PTCHD4: variants seen among roughly 807,000 people sequenced by gnomAD.
PTCHD4 encodes the protein patched domain containing 4, also known as patched domain-containing protein 4.
In PTCHD4, 33 loss-of-function variants were observed where a neutral mutation model predicts 58.1. The observed-to-expected ratio is 0.57, with a 90% CI of 0.43 to 0.76. PTCHD4 has a LOEUF of 0.76. Among genes scored for constraint, PTCHD4 ranks in the 30% least tolerant of loss-of-function variants. The pLI, the probability that PTCHD4 is intolerant of heterozygous loss-of-function variation, is 0.00. For missense variants in PTCHD4, 1,058 were observed against 1,027.1 expected (o/e 1.03, Z -0.41); for synonymous variants, 478 against 409.6 (o/e 1.17, Z -2.02).
chr6:48,076,615 C>T (rs1181925415), intron 1 of PTCHD4, among the ~76,000 whole-genome samples: 2 of 152,200 alleles, frequency 1.3e-5, no homozygotes, highest in Non-Finnish European at 2.9e-5. Context: ...TCTTGTATGA[C>T]TCCATCAGAG....
chr6:47,900,951 G>C (rs952211122), intron 4 of PTCHD4: 2 of 151,746 alleles, frequency 1.3e-5, no homozygotes, highest in Non-Finnish European at 2.9e-5. Context: ...TCAGGAGATC[G>C]AGACCATCCT....
chr6:48,005,162 T>G (rs577598265), intron 4 of PTCHD4, among the ~76,000 whole-genome samples: 2 of 151,962 alleles, frequency 1.3e-5, no homozygotes, highest in East Asian at 3.9e-4. Context: ...AGTGGATGAA[T>G]GACAAGACAA....
At chr6:48,025,911 G>GA (rs929534684) in intron 3 of PTCHD4, among the ~76,000 whole-genome samples, 7 of 151,992 alleles carry the variant, frequency 4.6e-5, no homozygotes, top group Non-Finnish European at 1.0e-4. Flanking sequence ...TACTCAATTG[G>GA]AAAAATAAAG....
chr6:47,891,367 G>A (rs73477508), intron 4 of PTCHD4, among the ~76,000 whole-genome samples: 7 of 151,692 alleles, frequency 4.6e-5, no homozygotes, highest in Non-Finnish European at 7.4e-5. Context: ...AGACAACCTC[G>A]CAAAACAGCA....
Position 47,994,232 on chromosome 6 carries a change from GA to G in PTCHD4, c.898+14401del, listed in dbSNP as rs200408133. Among the ~76,000 whole-genome samples the G allele has an allele frequency of 3.2e-3, 487 of 152,286 alleles. 4 individuals carry two copies. The highest frequency in any genetic ancestry group is 0.011 in the African/African-American group (454 of 41,572). ...AGATGAGAAAAGAGAAAGGTGGGAA[GA>G]AAATATGGTGGCAATGGAGAGGGAA... On this transcript the variant is annotated intron_variant, in intron 4 of 4. Transcript: ENST00000339488.
intron 3 of PTCHD4, among the ~76,000 whole-genome samples, chr6:48,018,276 C>T (rs376879764): frequency 1.3e-5 from 2 of 152,176 alleles, no homozygotes; most frequent in Non-Finnish European, 2.9e-5. Context: ...CCAGCACCCT[C>T]ATCTCCAAAA....
chr6:48,102,388 T>C (rs140747134), intron 1 of PTCHD4, among the ~76,000 whole-genome samples: 12 of 152,360 alleles, frequency 7.9e-5, no homozygotes, highest in Middle Eastern at 3.4e-3. Flanking sequence ...ATGTAATTTC[T>C]AGTGTTCTCG....
At chr6:48,071,951 CA>C (rs1764982096) in intron 1 of PTCHD4, among the ~76,000 whole-genome samples, 1 of 152,164 alleles carries the variant, frequency 6.6e-6, no homozygotes, top group Admixed American at 6.5e-5. Context: ...GGACGAAGAA[CA>C]GAAAGGTAAA....
chr6:48,033,381 C>T (rs954786797), intron 3 of PTCHD4, among the ~76,000 whole-genome samples: 1 of 151,854 alleles, frequency 6.6e-6, no homozygotes, highest in Non-Finnish European at 1.5e-5. Context: ...GCCTGATGTG[C>T]TCTTTCATCC....
intron 1 of PTCHD4, among the ~76,000 whole-genome samples, chr6:48,086,776 C>A (rs1160133696): frequency 6.6e-6 from 1 of 152,038 alleles, no homozygotes; most frequent in African/African-American, 2.4e-5. Flanking sequence ...TCAAGGAAAA[C>A]ATCCAATATG....
At chr6:47,921,489 G>A (rs1166541806) in intron 4 of PTCHD4, among the ~76,000 whole-genome samples, 3 of 152,098 alleles carry the variant, frequency 2.0e-5, no homozygotes, top group Admixed American at 1.3e-4. Flanking sequence ...CTTGAAATAA[G>A]ACAATATTTC....
intron 3 of PTCHD4, among the ~76,000 whole-genome samples, chr6:48,009,913 A>G (rs1212434831): frequency 3.9e-5 from 6 of 152,174 alleles, no homozygotes; most frequent in Non-Finnish European, 8.8e-5. Context: ...CAAGATCATG[A>G]GAGTAGGAAA....
intron 3 of PTCHD4, among the ~76,000 whole-genome samples, chr6:48,045,757 G>A (rs1409377513): frequency 6.6e-6 from 1 of 151,032 alleles, no homozygotes; most frequent in Non-Finnish European, 1.5e-5. Flanking sequence ...AAGTTGGTCT[G>A]ATTCCAGAGA....
chr6:48,091,757 TG>T (rs1582130419), intron 1 of PTCHD4, among the ~76,000 whole-genome samples: 1 of 151,960 alleles, frequency 6.6e-6, no homozygotes, highest in East Asian at 1.9e-4. Context: ...GTGAGTCTCC[TG>T]CCTTAGACTC....
At chr6:48,093,273 T>C (rs1409839118) in intron 1 of PTCHD4, among the ~76,000 whole-genome samples, 1 of 152,136 alleles carries the variant, frequency 6.6e-6, no homozygotes, top group Non-Finnish European at 1.5e-5. Flanking sequence ...GGTGAAGAAT[T>C]GAAATCCCCA....
chr6:47,950,668 T>C (rs1766609075), intron 4 of PTCHD4, among the ~76,000 whole-genome samples: 1 of 152,156 alleles, frequency 6.6e-6, no homozygotes, highest in Admixed American at 6.6e-5. Flanking sequence ...ATGAAGAAAT[T>C]ATATCTAGAT....
At chr6:47,985,777 T>C (rs546186427) in intron 4 of PTCHD4, among the ~76,000 whole-genome samples, 1 of 151,946 alleles carries the variant, frequency 6.6e-6, no homozygotes, top group African/African-American at 2.4e-5. Context: ...ATCCATGGAA[T>C]GTGCATTTTG....
chr6:47,921,452 C>G (rs1380013640), intron 4 of PTCHD4, among the ~76,000 whole-genome samples: 1 of 152,092 alleles, frequency 6.6e-6, no homozygotes, highest in Non-Finnish European at 1.5e-5. Context: ...TCTTGCTACC[C>G]CTAATTTTCA....
chr6:48,062,361 G>A (rs1370365985), intron 3 of PTCHD4, among the ~76,000 whole-genome samples: 1 of 151,902 alleles, frequency 6.6e-6, no homozygotes, highest in African/African-American at 2.4e-5. Context: ...CCCACCCCAA[G>A]TCCTTGGTGG....
Sources: allele counts gnomAD v4.1 joint callset (sites outside exome capture counted in the v4.1 genomes callset), GRCh38; gene constraint gnomAD v4.1.1; transcripts MANE v1.5; gene names NCBI Gene and HGNC (gene_info 2026-07-23, HGNC 2026-07-21).